The following MYO5A variants were observed in gnomAD, a reference collection of about 807,000 sequenced individuals.
MYO5A encodes myosin VA.
In MYO5A, 98 loss-of-function variants were observed where a neutral mutation model predicts 249.7. The ratio of observed to expected loss-of-function variants is 0.39; its 90% confidence interval spans 0.33 to 0.46. The LOEUF is 0.46. Among genes scored for constraint, MYO5A ranks in the 20% least tolerant of loss-of-function variants. The pLI is 0.98. For missense variants in MYO5A, 1,696 were observed against 2,308.8 expected (o/e 0.73, Z 5.44); for synonymous variants, 778 against 810.6 (o/e 0.96, Z 0.68).
intron 34 of MYO5A, among the ~76,000 whole-genome samples, chr15:52,332,047 C>T (rs577546081): frequency 3.3e-5 from 5 of 152,302 alleles, no homozygotes; most frequent in African/African-American, 1.2e-4. Context: ...TCTGAAGCAG[C>T]ACACAGTGGC....
At chr15:52,483,192 G>T (rs1478929138) in intron 1 of MYO5A, among the ~76,000 whole-genome samples, 1 of 152,032 alleles carries the variant, frequency 6.6e-6, no homozygotes, top group Non-Finnish European at 1.5e-5. Flanking sequence ...CCCAAAACAG[G>T]ACACCTAAAT....
intron 1 of MYO5A, among the ~76,000 whole-genome samples, chr15:52,467,861 G>C (rs1724613): frequency 0.12 from 18,032 of 152,118 alleles, 1,316 homozygotes; most frequent in South Asian, 0.17. Context: ...GAAGAGAATG[G>C]GATGGCATTT....
chr15:52,357,292 ACT>A (rs971199635), intron 25 of MYO5A, among the ~76,000 whole-genome samples: 2 of 152,038 alleles, frequency 1.3e-5, no homozygotes, highest in Non-Finnish European at 2.9e-5. Context: ...CTTTTCTTAC[ACT>A]GTCATAGAAC....
chr15:52,499,934 G>T (rs139441826), intron 1 of MYO5A, among the ~76,000 whole-genome samples: 18 of 152,270 alleles, frequency 1.2e-4, no homozygotes, highest in African/African-American at 4.3e-4. Context: ...TGTAACCCCA[G>T]TGCTTTGGGA....
chr15:52,505,262 T>A (rs1189304185), intron 1 of MYO5A: 2 of 775,660 alleles, frequency 2.6e-6, no homozygotes, highest in Non-Finnish European at 2.4e-6. Flanking sequence ...AAGAGCTACA[T>A]CAAGGGGTAT....
At chr15:52,449,943 A>T (rs2075980179) in intron 1 of MYO5A, among the ~76,000 whole-genome samples, 1 of 152,128 alleles carries the variant, frequency 6.6e-6, no homozygotes, top group Non-Finnish European at 1.5e-5. Context: ...TCAAGGCTGC[A>T]GTGAGCCAAG....
chr15:52,316,294 G>C (rs1029489609), intron 40 of MYO5A, among the ~76,000 whole-genome samples: 1 of 149,764 alleles, frequency 6.7e-6, no homozygotes, highest in African/African-American at 2.5e-5. Flanking sequence ...GAAAATAACC[G>C]GGCAAAAGAA....
intron 4 of MYO5A, among the ~76,000 whole-genome samples, chr15:52,417,836 T>C (rs551170606): frequency 6.6e-6 from 1 of 152,278 alleles, no homozygotes; most frequent in African/African-American, 2.4e-5. Flanking sequence ...TCCAGAACAG[T>C]GAGTCAAATA....
chr15:52,495,584 T>C (rs1266234086), intron 1 of MYO5A, among the ~76,000 whole-genome samples: 1 of 152,206 alleles, frequency 6.6e-6, no homozygotes, highest in Non-Finnish European at 1.5e-5. Context: ...ATGCATATGT[T>C]AAACAGCTTG....
In MYO5A at chr15:52,371,881, A is replaced by ATAG. The variant is rs2041138750; in HGVS notation, c.2817+242_2817+243insCTA. Among the ~76,000 whole-genome samples the ATAG allele has an allele frequency of 1.4e-4, 3 of 20,794 alleles. 1 individual carries two copies. Among genetic ancestry groups the ATAG allele is most frequent in the African/African-American group, 7.6e-4 (1 of 1,308 alleles). The allele number at this position is 20,794 out of a possible 152,430, so 13.6% of individuals were successfully genotyped here. A position where few individuals can be genotyped will look rare whatever the true frequency, so the allele number is the denominator to read the frequency against. On this transcript the variant is annotated intron_variant, in intron 21 of 41. Transcript: ENST00000399233. The stretch of plus-strand genomic sequence containing the variant: ...TGAGACCCTGTCTCAAATAATAGTA[A>ATAG]TAATAATAATAATAATAATAATAAT...
At chr15:52,499,405 T>A (rs562339076) in intron 1 of MYO5A, among the ~76,000 whole-genome samples, 1 of 152,242 alleles carries the variant, frequency 6.6e-6, no homozygotes, top group Non-Finnish European at 1.5e-5. Flanking sequence ...ACATTTGCTT[T>A]GTTGTGTAAC....
chr15:52,429,109 T>A (rs999846304), intron 2 of MYO5A, among the ~76,000 whole-genome samples: 8 of 152,222 alleles, frequency 5.3e-5, no homozygotes, highest in Admixed American at 4.6e-4. Context: ...CTTAAACCAC[T>A]AGATACCCAA....
At chr15:52,498,683 T>C (rs990876128) in intron 1 of MYO5A, among the ~76,000 whole-genome samples, 2 of 152,258 alleles carry the variant, frequency 1.3e-5, no homozygotes, top group African/African-American at 4.8e-5. Flanking sequence ...TATATTGATA[T>C]TGAGCCCTGA....
intron 1 of MYO5A, among the ~76,000 whole-genome samples, chr15:52,450,723 G>A (rs1486678678): frequency 6.6e-6 from 1 of 151,032 alleles, no homozygotes; most frequent in Non-Finnish European, 1.5e-5. Context: ...GGCTGGTCGT[G>A]AACTCCTTGG....
At chr15:52,326,186 A>T (rs769065663) in intron 36 of MYO5A, among the ~76,000 whole-genome samples, 1 of 152,198 alleles carries the variant, frequency 6.6e-6, no homozygotes, top group Non-Finnish European at 1.5e-5. Flanking sequence ...GGTATTAAAG[A>T]GTGTTGTGTT....
intron 1 of MYO5A, among the ~76,000 whole-genome samples, chr15:52,521,494 T>A (rs1434837162): frequency 6.6e-6 from 1 of 152,208 alleles, no homozygotes; most frequent in Non-Finnish European, 1.5e-5. Context: ...CCAGTCTCCC[T>A]CTAGCCCAGC....
At chr15:52,411,590 T>G (rs2043252062) in intron 5 of MYO5A, among the ~76,000 whole-genome samples, 1 of 152,078 alleles carries the variant, frequency 6.6e-6, no homozygotes, top group Admixed American at 6.5e-5. Flanking sequence ...ATGCATATAT[T>G]AAATGTTTAA....
intron 1 of MYO5A, among the ~76,000 whole-genome samples, chr15:52,524,553 CTAAATAAA>C (rs55753650): frequency 0.03 from 4,173 of 140,922 alleles, 221 homozygotes; most frequent in African/African-American, 0.1. Flanking sequence ...GACCCTGAAC[CTAAATAAA>C]TAAATAAATA....
intron 2 of MYO5A, among the ~76,000 whole-genome samples, chr15:52,429,455 G>A (rs1290765213): frequency 6.6e-6 from 1 of 151,752 alleles, no homozygotes. Flanking sequence ...TTGGGAGGCC[G>A]AGGTGGGTGG....
Sources: gnomAD v4.1 joint callset for allele counts (sites outside exome capture counted in the v4.1 genomes callset) on GRCh38, gnomAD v4.1.1 for gene constraint, MANE v1.5 for transcripts, NCBI Gene and HGNC (gene_info 2026-07-23, HGNC 2026-07-21) for gene names.